Variants in NBEA observed in about 807,000 individuals in gnomAD.
NBEA encodes the protein neurobeachin.
NBEA carries 44 observed loss-of-function variants against 343.4 expected under a neutral mutation model. The observed-to-expected ratio is 0.13, with a 90% CI of 0.10 to 0.16. The LOEUF is 0.16. NBEA is among the 10% of genes least tolerant of loss of function. NBEA has a pLI of 1.00. For synonymous variants in NBEA, 1,175 were observed against 1,238.7 expected, an observed-to-expected ratio of 0.95 and a Z score of 1.08; for missense variants, 2,555 against 3,631.3, an observed-to-expected ratio of 0.70 and a Z score of 7.62.
At chr13:35,047,006 TC>T (rs1198712551) in intron 4 of NBEA, among the ~76,000 whole-genome samples, 2 of 152,158 alleles carry the variant, frequency 1.3e-5, no homozygotes, top group African/African-American at 4.8e-5. Context: ...TCGTAAGAGT[TC>T]ATTATATATT....
chr13:35,194,804 GA>G (rs1212479872), intron 30 of NBEA, among the ~76,000 whole-genome samples: 4 of 151,888 alleles, frequency 2.6e-5, no homozygotes, highest in African/African-American at 9.7e-5. Flanking sequence ...ACATTTTAAA[GA>G]TTTTTTTATT....
intron 1 of NBEA, among the ~76,000 whole-genome samples, chr13:34,944,061 GGTTTT>G (rs749105230): frequency 2.6e-5 from 4 of 152,236 alleles, no homozygotes; most frequent in Non-Finnish European, 5.9e-5. Context: ...TGTAAATGGA[GGTTTT>G]GTTTTGTTTT....
intron 58 of NBEA, among the ~76,000 whole-genome samples, chr13:35,669,979 G>A (rs1405026706): frequency 1.3e-5 from 2 of 151,968 alleles, no homozygotes; most frequent in African/African-American, 4.8e-5. Context: ...GTATTAGGGG[G>A]TCTCAATGGA....
chr13:35,462,245 AGAG>A (rs1284306300), intron 40 of NBEA, among the ~76,000 whole-genome samples: 7 of 152,218 alleles, frequency 4.6e-5, no homozygotes, highest in Non-Finnish European at 8.8e-5. Context: ...AGGAAGTTAT[AGAG>A]GAGAAGAGAT....
At chr13:35,462,601 T>A (rs962405672) in intron 40 of NBEA, among the ~76,000 whole-genome samples, 2 of 152,042 alleles carry the variant, frequency 1.3e-5, no homozygotes, top group African/African-American at 2.4e-5. Context: ...CTGTGAAAGA[T>A]TTTAAGTATG....
chr13:34,980,195 TTTG>T (rs551254092), intron 1 of NBEA, among the ~76,000 whole-genome samples: 110 of 152,096 alleles, frequency 7.2e-4, no homozygotes, highest in Non-Finnish European at 1.2e-3. Flanking sequence ...AGCTGTTTTT[TTTG>T]TTGTTGTTGT....
intron 47 of NBEA, among the ~76,000 whole-genome samples, chr13:35,595,869 A>G (rs1395767399): frequency 6.6e-6 from 1 of 151,750 alleles, no homozygotes; most frequent in Non-Finnish European, 1.5e-5. Context: ...AAATTAAGTT[A>G]TGTTTGTTTT....
chr13:35,048,549 T>C lies in NBEA; in HGVS notation c.724-14T>C. 6.2e-7 allele frequency: 1 copy of C among 1,600,894 alleles called. No individual in the cohort carries two copies. Among genetic ancestry groups the C allele is most frequent in the South Asian group, 1.1e-5 (1 of 89,014 alleles). On this transcript the variant is annotated splice_polypyrimidine_tract_variant and intron_variant, in intron 4 of 58. Coordinates refer to ENST00000379939, the MANE Select transcript of NBEA (RefSeq NM_001385012.1). ...TTAACTGATACTTTCGTACCTTTTC[T>C]CATTGCCTTGTAGGCAATTGCCTTG...
At chr13:34,994,027 G>A (rs561961237) in intron 1 of NBEA, among the ~76,000 whole-genome samples, 2 of 151,260 alleles carry the variant, frequency 1.3e-5, no homozygotes, top group Admixed American at 6.6e-5. Context: ...GTGAAACCCC[G>A]TCTCTACTAA....
intron 33 of NBEA, among the ~76,000 whole-genome samples, chr13:35,221,624 A>G (rs1212071479): frequency 1.3e-5 from 2 of 152,122 alleles, no homozygotes; most frequent in African/African-American, 4.8e-5. Context: ...CCAGAAAAAA[A>G]TGTATTTTTT....
intron 39 of NBEA, among the ~76,000 whole-genome samples, chr13:35,433,787 T>G (rs1241448975): frequency 6.6e-6 from 1 of 152,094 alleles, no homozygotes; most frequent in East Asian, 1.9e-4. Flanking sequence ...CAACTCAAAA[T>G]GAGTTATCAT....
intron 1 of NBEA, among the ~76,000 whole-genome samples, chr13:35,009,445 G>A (rs1225373490): frequency 1.3e-5 from 2 of 152,134 alleles, no homozygotes; most frequent in Admixed American, 6.5e-5. Flanking sequence ...ACTGAAGGGA[G>A]AGAGCCATAT....
intron 33 of NBEA, among the ~76,000 whole-genome samples, chr13:35,230,216 ATACT>A (rs1381029779): frequency 9.9e-5 from 15 of 152,242 alleles, no homozygotes; most frequent in East Asian, 5.8e-4. Flanking sequence ...ATATTTATAC[ATACT>A]TACAGAAGTA....
chr13:35,010,157 A>G (rs561250551), intron 1 of NBEA, among the ~76,000 whole-genome samples: 10 of 152,336 alleles, frequency 6.6e-5, no homozygotes, highest in African/African-American at 2.2e-4. Flanking sequence ...GTGAGTTATT[A>G]GTATCTTGTT....
intron 49 of NBEA, among the ~76,000 whole-genome samples, chr13:35,638,579 G>A (rs905665461): frequency 2.0e-5 from 3 of 152,168 alleles, no homozygotes. Context: ...CTATGGAGGC[G>A]CATCTTCCAG....
intron 33 of NBEA, among the ~76,000 whole-genome samples, chr13:35,227,597 TTTG>T (rs2074725046): frequency 6.6e-6 from 1 of 152,056 alleles, no homozygotes. Flanking sequence ...ATTATTTCTT[TTTG>T]TTCTATGTTT....
At chr13:35,504,803 C>T (rs975180030) in intron 41 of NBEA, among the ~76,000 whole-genome samples, 4 of 151,910 alleles carry the variant, frequency 2.6e-5, no homozygotes, top group African/African-American at 9.7e-5. Flanking sequence ...AGACAGAGGT[C>T]TTACTATGTT....
chr13:35,459,004 C>T (rs2046748038), intron 40 of NBEA, among the ~76,000 whole-genome samples: 2 of 103,004 alleles, frequency 1.9e-5, no homozygotes, highest in African/African-American at 5.6e-5. Flanking sequence ...TCTTTACCAC[C>T]GCCCCCCCCC....
intron 34 of NBEA, among the ~76,000 whole-genome samples, chr13:35,244,512 T>C (rs780838486): frequency 2.0e-5 from 3 of 152,116 alleles, no homozygotes; most frequent in Non-Finnish European, 2.9e-5. Context: ...TTTTCGTGAC[T>C]ATGGCCTTAT....
Sources: gnomAD v4.1 joint callset for allele counts (sites outside exome capture counted in the v4.1 genomes callset) on GRCh38, gnomAD v4.1.1 for gene constraint, MANE v1.5 for transcripts, NCBI Gene and HGNC (gene_info 2026-07-23, HGNC 2026-07-21) for gene names.